Variants in SLC25A24 observed in about 807,000 individuals in gnomAD.
SLC25A24 encodes mitochondrial adenyl nucleotide antiporter SLC25A24.
A neutral mutation model predicts 60.7 loss-of-function variants in SLC25A24; 49 were observed. That is an observed-to-expected ratio of 0.81 (90% CI 0.64 to 1.02). The LOEUF is 1.02. Among genes scored for constraint, SLC25A24 ranks in the 50% least tolerant of loss-of-function variants. The pLI is 0.00. For synonymous variants in SLC25A24, 202 were observed against 200.6 expected, an observed-to-expected ratio of 1.01 and a Z score of -0.06; for missense variants, 564 against 586.3, an observed-to-expected ratio of 0.96 and a Z score of 0.39.
chr1:108,175,433 A>G (rs1234801903), intron 3 of SLC25A24, among the ~76,000 whole-genome samples: 2 of 152,138 alleles, frequency 1.3e-5, no homozygotes, highest in African/African-American at 2.4e-5. Context: ...AGTCAATTAA[A>G]CCTCTTTCCT....
At chr1:108,147,000 T>C (rs940341033) in intron 7 of SLC25A24, among the ~76,000 whole-genome samples, 1 of 152,232 alleles carries the variant, frequency 6.6e-6, no homozygotes, top group African/African-American at 2.4e-5. Flanking sequence ...CATCAGCTCC[T>C]CTTTGTACCT....
Position 108,136,584 on chromosome 1 carries a change from C to A in SLC25A24, c.*69G>T, listed in dbSNP as rs572466613. 20 of 1,341,844 alleles carry A rather than the reference C, an allele frequency of 1.5e-5. No individual in the cohort carries two copies. The African/African-American group carries it at 2.5e-4, about 17-fold the overall frequency. 83.1% of individuals were successfully genotyped at this position (1,341,844 alleles called of 1,614,324 possible). ...CTTTTGCCATAGACTTGTTTCAATT[C>A]GAGGAGAAAAAGTCACTCCAGAGAT... On this transcript the variant is annotated 3_prime_UTR_variant, in exon 10 of 10. Coordinates refer to ENST00000565488, the MANE Select transcript of SLC25A24 (RefSeq NM_013386.5).
rs775670937 is a variant in SLC25A24 at position 108,148,242 on chromosome 1, A to G, written c.930+37T>C. 4.1e-6 allele frequency: 5 copies of G among 1,221,282 alleles called. No homozygotes were observed. The African/African-American group carries it at 7.4e-5, about 18-fold the overall frequency. 75.7% of individuals were successfully genotyped at this position (1,221,282 alleles called of 1,614,324 possible). On this transcript the variant is annotated intron_variant, in intron 7 of 9. Coordinates refer to ENST00000565488, the MANE Select transcript of SLC25A24 (RefSeq NM_013386.5). Reference sequence around the variant, plus strand: ...AGAGAGCAATAGACAACCAACACGAACACCATCACACAGTCAGACTTGACA... The same window carrying G: ...AGAGAGCAATAGACAACCAACACGAGCACCATCACACAGTCAGACTTGACA...
Position 108,185,843 on chromosome 1 carries a change from C to G in SLC25A24, c.295G>C (p.Asp99His). 6.3e-7 allele frequency: 1 copy of G among 1,588,924 alleles called. No homozygotes were observed. Among genetic ancestry groups the G allele is most frequent in the Non-Finnish European group, 8.6e-7 (1 of 1,163,680 alleles). The change falls in exon 2 of 10, where the codon GAC (aspartate) becomes CAC (histidine). Residue 99 changes from aspartate to histidine, a missense_variant. Asp to His is a moderately conservative substitution (Grantham distance 81, BLOSUM62 -1). Coordinates refer to ENST00000565488, the MANE Select transcript of SLC25A24 (RefSeq NM_013386.5). ...AAAGACACACCATCATTATTTTTGT[C>G]TAAACTCTTAAATGCCAATTTCATT... is the stretch of plus-strand genomic sequence containing the variant. ...KKMKLAFKSL[D>H]KNNDGKIEAS...
chr1:108,162,198 G>A (rs928184538), intron 3 of SLC25A24, among the ~76,000 whole-genome samples: 1 of 151,554 alleles, frequency 6.6e-6, no homozygotes, highest in African/African-American at 2.4e-5. Context: ...TATCATTGTT[G>A]GACATTTGGC....
At chr1:108,149,881 G>A (rs1286800497) in intron 6 of SLC25A24, among the ~76,000 whole-genome samples, 1 of 152,110 alleles carries the variant, frequency 6.6e-6, no homozygotes, top group Non-Finnish European at 1.5e-5. Context: ...AACAACATAC[G>A]ATGACTTTCT....
chr1:108,148,061 C>T (rs1679654823), intron 7 of SLC25A24, among the ~76,000 whole-genome samples: 1 of 152,164 alleles, frequency 6.6e-6, no homozygotes, highest in East Asian at 1.9e-4. Flanking sequence ...GAATCCGCCT[C>T]CAGCTGATTC....
intron 3 of SLC25A24, among the ~76,000 whole-genome samples, 187 bp from the exon 4 acceptor site, chr1:108,161,480 T>C (rs1680082257): frequency 6.6e-6 from 1 of 152,246 alleles, no homozygotes; most frequent in Non-Finnish European, 1.5e-5. Flanking sequence ...CAGATAGTTT[T>C]AATTATCTAG....
At chr1:108,144,369 C>T (rs1679527383) in intron 7 of SLC25A24, among the ~76,000 whole-genome samples, 1 of 151,794 alleles carries the variant, frequency 6.6e-6, no homozygotes, top group Non-Finnish European at 1.5e-5. Context: ...AAATATCTGT[C>T]GTTGCAAGCC....
At chr1:108,169,914 T>G (rs1647389517) in intron 3 of SLC25A24, among the ~76,000 whole-genome samples, 1 of 152,212 alleles carries the variant, frequency 6.6e-6, no homozygotes, top group African/African-American at 2.4e-5. Flanking sequence ...ACATGATTTA[T>G]TTACATCTCA....
chr1:108,155,267 G>T, intron 5 of SLC25A24, 132 bp from the exon 6 acceptor site: 9 of 822,604 alleles, frequency 1.1e-5, no homozygotes, highest in Non-Finnish European at 1.6e-5. Flanking sequence ...AATATAGAAA[G>T]GTTGAAAAAT....
intron 1 of SLC25A24, among the ~76,000 whole-genome samples, chr1:108,196,186 TAA>T (rs1052214267): frequency 1.3e-5 from 2 of 152,036 alleles, no homozygotes; most frequent in Non-Finnish European, 2.9e-5. Context: ...AAGACAGAAT[TAA>T]AAAAATCATA....
intron 3 of SLC25A24, among the ~76,000 whole-genome samples, chr1:108,172,703 A>T (rs1182755606): frequency 6.6e-6 from 1 of 152,218 alleles, no homozygotes; most frequent in Non-Finnish European, 1.5e-5. Context: ...AGCACCATTC[A>T]GATGTTTTTC....
At chr1:108,165,304 T>C (rs1347414527) in intron 3 of SLC25A24, among the ~76,000 whole-genome samples, 4 of 152,326 alleles carry the variant, frequency 2.6e-5, no homozygotes, top group Admixed American at 2.6e-4. Context: ...AGATGTGTAT[T>C]AGGTCTGCTT....
At chr1:108,167,439 C>A (rs991552045) in intron 3 of SLC25A24, among the ~76,000 whole-genome samples, 3 of 150,830 alleles carry the variant, frequency 2.0e-5, no homozygotes, top group African/African-American at 7.4e-5. Context: ...TAGCAATCAG[C>A]GAGACTCCGT....
At chr1:108,150,507 T>C (rs1025291425) in intron 6 of SLC25A24, among the ~76,000 whole-genome samples, 13 of 152,202 alleles carry the variant, frequency 8.5e-5, no homozygotes, top group Admixed American at 2.6e-4. Context: ...CTAACCATTT[T>C]GATCTTCTCC....
chr1:108,163,428 C>T (rs1680147412), intron 3 of SLC25A24, among the ~76,000 whole-genome samples: 1 of 150,362 alleles, frequency 6.7e-6, no homozygotes, highest in Admixed American at 6.6e-5. Context: ...TACCCATGAG[C>T]ATGGAATGTT....
intron 3 of SLC25A24, among the ~76,000 whole-genome samples, chr1:108,168,384 C>T (rs1647296434): frequency 6.6e-6 from 1 of 152,154 alleles, no homozygotes; most frequent in South Asian, 2.1e-4. Context: ...ACTCCCCACA[C>T]ATAAGCATCC....
At chr1:108,188,608 C>G (rs1648230985) in intron 1 of SLC25A24, among the ~76,000 whole-genome samples, 2 of 152,194 alleles carry the variant, frequency 1.3e-5, no homozygotes, top group South Asian at 4.1e-4. Flanking sequence ...CCAAAAGGGG[C>G]TTGCTGCCCG....
Sources: allele counts gnomAD v4.1 joint callset (sites outside exome capture counted in the v4.1 genomes callset), GRCh38; gene constraint gnomAD v4.1.1; transcripts MANE v1.5; gene names NCBI Gene and HGNC (gene_info 2026-07-23, HGNC 2026-07-21).